Variants in MPDZ observed in about 807,000 individuals in gnomAD.
MPDZ encodes multiple PDZ domain protein.
Under a neutral mutation model 239.1 loss-of-function variants are expected in MPDZ, and 234 were observed. The ratio of observed to expected loss-of-function variants is 0.98; its 90% CI spans 0.88 to 1.09. The LOEUF (loss-of-function observed/expected upper bound fraction) is 1.09. Among genes scored for constraint, MPDZ ranks in the 50% least tolerant of loss-of-function variants. The pLI, the probability that MPDZ is intolerant of heterozygous loss-of-function variation, is 0.00. For synonymous variants in MPDZ, 1,048 were observed against 881.3 expected (o/e 1.19, Z -3.35); for missense variants, 3,175 against 2,510.0 (o/e 1.26, Z -5.66).
At chr9:13,142,545 G>C (rs1947861485) in intron 27 of MPDZ, among the ~76,000 whole-genome samples, 1 of 151,984 alleles carries the variant, frequency 6.6e-6, no homozygotes, top group African/African-American at 2.4e-5. Flanking sequence ...ATCACTCCAT[G>C]CCATGTATGT....
intron 1 of MPDZ, among the ~76,000 whole-genome samples, chr9:13,257,138 C>T (rs1032266149): frequency 1.2e-4 from 18 of 152,108 alleles, no homozygotes; most frequent in African/African-American, 4.3e-4. Flanking sequence ...TATAACTGAA[C>T]CTAAAATCTG....
intron 39 of MPDZ, among the ~76,000 whole-genome samples, chr9:13,116,348 T>C (rs544551888): frequency 7.0e-4 from 107 of 152,180 alleles, no homozygotes; most frequent in Non-Finnish European, 1.4e-3. Context: ...AAAATGTACA[T>C]CATTATAGGT....
intron 19 of MPDZ, among the ~76,000 whole-genome samples, chr9:13,179,729 AT>A (rs1953022822): frequency 6.6e-6 from 1 of 152,324 alleles, no homozygotes; most frequent in Non-Finnish European, 1.5e-5. Flanking sequence ...TCAGTAAAAA[AT>A]TAAAAAAGGT....
At chr9:13,126,483 T>C (rs1459189776) in intron 34 of MPDZ, 33 bp downstream of exon 34, 5 of 1,450,020 alleles carry the variant, frequency 3.4e-6, no homozygotes, top group Non-Finnish European at 3.8e-6. Context: ...AGGATGGGCC[T>C]ACATTACCAT....
At chr9:13,272,363 A>T (rs553183958) in intron 1 of MPDZ, among the ~76,000 whole-genome samples, 2 of 152,244 alleles carry the variant, frequency 1.3e-5, no homozygotes, top group African/African-American at 2.4e-5. Context: ...AGAGCTAAAA[A>T]TACTTTGTGA....
intron 18 of MPDZ, among the ~76,000 whole-genome samples, chr9:13,184,990 G>C (rs977809560): frequency 1.3e-5 from 2 of 152,016 alleles, no homozygotes; most frequent in Admixed American, 6.6e-5. Context: ...GTAAAGGCTA[G>C]AGAGAATGCT....
chr9:13,156,755 T>C (rs1713991727), intron 24 of MPDZ, among the ~76,000 whole-genome samples: 1 of 152,208 alleles, frequency 6.6e-6, no homozygotes, highest in African/African-American at 2.4e-5. Flanking sequence ...CTGTGATTAC[T>C]GTCCTCCTAA....
intron 12 of MPDZ, among the ~76,000 whole-genome samples, chr9:13,203,495 AT>A (rs1400577934): frequency 6.6e-6 from 1 of 152,108 alleles, no homozygotes; most frequent in Non-Finnish European, 1.5e-5. Context: ...TCAGGCATAT[AT>A]TTAAAAATCA....
rs1054630989 is a variant in MPDZ at position 13,221,747 on chromosome 9, C to T, written c.748-247G>A. Among the ~76,000 whole-genome samples the T allele has an allele frequency of 2.6e-5, 4 of 151,414 alleles. No individual in the cohort carries two copies. In the East Asian group the frequency reaches 7.8e-4, roughly 30 times the overall value. On this transcript the variant is annotated intron_variant, in intron 6 of 46. Coordinates refer to ENST00000319217, the MANE Select transcript of MPDZ (RefSeq NM_001378778.1). ...ATGATTTCACTTCAACAGTTAAAGACAGGCATTGATTTGCAAGATCTTTTG... is the reference window on the plus strand; with the variant it reads ...ATGATTTCACTTCAACAGTTAAAGATAGGCATTGATTTGCAAGATCTTTTG...
chr9:13,203,797 G>GA, intron 12 of MPDZ, among the ~76,000 whole-genome samples: 1 of 151,200 alleles, frequency 6.6e-6, no homozygotes, highest in Non-Finnish European at 1.5e-5. Flanking sequence ...GAGAGAGAGA[G>GA]GGATTTCTCA....
chr9:13,211,857 A>C (rs1957661338), intron 10 of MPDZ, among the ~76,000 whole-genome samples: 1 of 152,128 alleles, frequency 6.6e-6, no homozygotes, highest in Non-Finnish European at 1.5e-5. Flanking sequence ...ATAAACTATT[A>C]TTAGTGGCTA....
At chr9:13,168,648 T>A in intron 21 of MPDZ, 84 bp from the exon 22 acceptor site, 1 of 1,075,478 alleles carries the variant, frequency 9.3e-7, no homozygotes, top group Non-Finnish European at 1.3e-6. Flanking sequence ...TTCTATGATT[T>A]ATAGATTAAA....
chr9:13,233,910 G>A (rs1430846216), intron 3 of MPDZ, among the ~76,000 whole-genome samples: 1 of 152,144 alleles, frequency 6.6e-6, no homozygotes, highest in African/African-American at 2.4e-5. Context: ...CCACAGGGTT[G>A]ATGTGGATTC....
chr9:13,238,709 C>T (rs915676907), intron 3 of MPDZ, among the ~76,000 whole-genome samples: 4 of 152,164 alleles, frequency 2.6e-5, no homozygotes, highest in Non-Finnish European at 5.9e-5. Flanking sequence ...CCACAATTAT[C>T]TGAAAAGCTG....
At chr9:13,136,596 G>C (rs1946851266) in intron 30 of MPDZ, 116 bp downstream of exon 30, 1 of 719,314 alleles carries the variant, frequency 1.4e-6, no homozygotes, top group Middle Eastern at 2.7e-4. Context: ...AAAGTGCTGG[G>C]ATTACAGGCA....
chr9:13,159,688 A>G (rs1040072172), intron 23 of MPDZ, among the ~76,000 whole-genome samples: 1 of 152,174 alleles, frequency 6.6e-6, no homozygotes, highest in South Asian at 2.1e-4. Flanking sequence ...GAAACACCGT[A>G]GCCACAATGC....
At chr9:13,188,499 C>T (rs1954445887) in intron 17 of MPDZ, among the ~76,000 whole-genome samples, 2 of 152,140 alleles carry the variant, frequency 1.3e-5, no homozygotes, top group South Asian at 4.2e-4. Flanking sequence ...GCCTGAGCAA[C>T]AGAGCAAGGC....
At chr9:13,240,344 G>C (rs1336528797) in intron 3 of MPDZ, among the ~76,000 whole-genome samples, 1 of 151,600 alleles carries the variant, frequency 6.6e-6, no homozygotes, top group African/African-American at 2.4e-5. Flanking sequence ...TTAAAATCTA[G>C]CAAAATTGTT....
intron 44 of MPDZ, 88 bp from the exon 45 acceptor site, chr9:13,110,152 A>C: frequency 1.2e-6 from 1 of 833,390 alleles, no homozygotes; most frequent in Non-Finnish European, 1.9e-6. Context: ...ACTTGGATTA[A>C]AATGTATATT....
Sources: allele counts gnomAD v4.1 joint callset (sites outside exome capture counted in the v4.1 genomes callset), GRCh38; gene constraint gnomAD v4.1.1; transcripts MANE v1.5; gene names NCBI Gene and HGNC (gene_info 2026-07-23, HGNC 2026-07-21).